Variants in FSTL5 observed in about 807,000 individuals in gnomAD.
FSTL5 encodes the protein follistatin like 5, also known as follistatin-related protein 5.
Under a neutral mutation model 89.1 loss-of-function variants are expected in FSTL5, and 62 were observed. That is an observed-to-expected ratio of 0.70 (90% CI 0.57 to 0.86). FSTL5 has a LOEUF of 0.86. Ranked by LOEUF, FSTL5 falls within the 40% of genes least tolerant of loss-of-function variation. FSTL5 has a pLI of 0.00. For synonymous variants in FSTL5, 383 were observed against 346.2 expected, an observed-to-expected ratio of 1.11 and a Z score of -1.18; for missense variants, 1,057 against 1,001.6, an observed-to-expected ratio of 1.06 and a Z score of -0.75.
At chr4:161,711,839 T>G (rs1323536498) in intron 6 of FSTL5, among the ~76,000 whole-genome samples, 1 of 152,142 alleles carries the variant, frequency 6.6e-6, no homozygotes, top group African/African-American at 2.4e-5. Flanking sequence ...AAGCAATTAG[T>G]ATATAGTGTA....
In FSTL5 at chr4:161,455,358, G is replaced by A. The variant is rs1007560495; in HGVS notation, c.1717-230C>T. Among the ~76,000 whole-genome samples, 4 of 151,854 alleles carry A rather than the reference G, an allele frequency of 2.6e-5. No individual in the cohort carries two copies. The East Asian group carries it at 7.7e-4, about 29-fold the overall frequency. On this transcript the variant is annotated intron_variant, in intron 14 of 15. Coordinates refer to ENST00000306100, the MANE Select transcript of FSTL5 (RefSeq NM_020116.5). ...AAAAAAATAGAAAAATATTTGCCTT[G>A]AACAATTTCAGCTTAAAATATAAAA...
intron 13 of FSTL5, among the ~76,000 whole-genome samples, chr4:161,480,468 T>G (rs779302006): frequency 2.6e-5 from 4 of 152,180 alleles, no homozygotes; most frequent in Non-Finnish European, 5.9e-5. Flanking sequence ...GGCTCAAACT[T>G]GAAGTATGAA....
In FSTL5 at chr4:161,656,368, T is replaced by C. The variant is rs182601174; in HGVS notation, c.854A>G (p.Asn285Ser). Reference sequence around the variant, plus strand: ...ATCTAAATTATTTAGAATAATATTGTTCCTTTTCCAGATAATGGGAGGTCT... The same window carrying C: ...ATCTAAATTATTTAGAATAATATTGCTCCTTTTCCAGATAATGGGAGGTCT... The part of the protein sequence containing the change: ...TLRPPIIWKR[N>S]NIILNNLDLE... Residue 285 changes from asparagine (N) to serine (S), a missense_variant, in exon 7 of 16, where the codon AAC becomes AGC. By Grantham distance (46) the Asn-to-Ser change is conservative. Coordinates refer to ENST00000306100, the MANE Select transcript of FSTL5 (RefSeq NM_020116.5). 52 of 1,601,498 alleles carry C rather than the reference T, an allele frequency of 3.2e-5. No individual in the cohort carries two copies. In the Admixed American group the frequency reaches 5.0e-4, roughly 16 times the overall value.
At chr4:161,633,182 T>A (rs1735557624) in intron 7 of FSTL5, among the ~76,000 whole-genome samples, 1 of 151,694 alleles carries the variant, frequency 6.6e-6, no homozygotes, top group South Asian at 2.1e-4. Flanking sequence ...GCAAAAATAT[T>A]TAGCATCCCT....
At chr4:161,855,670 C>T (rs1479765449) in intron 4 of FSTL5, among the ~76,000 whole-genome samples, 1 of 151,988 alleles carries the variant, frequency 6.6e-6, no homozygotes, top group Non-Finnish European at 1.5e-5. Flanking sequence ...TTTTCCTCTT[C>T]ATATGGTAAC....
chr4:161,658,647 T>A (rs181734567), intron 6 of FSTL5, among the ~76,000 whole-genome samples: 1 of 152,108 alleles, frequency 6.6e-6, no homozygotes, highest in Non-Finnish European at 1.5e-5. Context: ...AAGTTAAAAA[T>A]TATTCAATTA....
At chr4:161,401,740 G>T (rs1340512487) in intron 15 of FSTL5, among the ~76,000 whole-genome samples, 1 of 151,948 alleles carries the variant, frequency 6.6e-6, no homozygotes, top group Admixed American at 6.6e-5. Flanking sequence ...TGTTAGCCAG[G>T]ATGGTCTCCA....
At chr4:161,503,824 T>C (rs1238676248) in intron 11 of FSTL5, among the ~76,000 whole-genome samples, 1 of 152,112 alleles carries the variant, frequency 6.6e-6, no homozygotes, top group Non-Finnish European at 1.5e-5. Flanking sequence ...GATAAGCAAG[T>C]CTTGTTCTAG....
intron 4 of FSTL5, among the ~76,000 whole-genome samples, chr4:161,882,849 A>T (rs1404343079): frequency 6.6e-6 from 1 of 152,140 alleles, no homozygotes; most frequent in Non-Finnish European, 1.5e-5. Context: ...AGCAAGCAGC[A>T]TTAGCAGTAG....
chr4:161,436,969 A>G (rs1732579190), intron 15 of FSTL5, among the ~76,000 whole-genome samples: 1 of 152,218 alleles, frequency 6.6e-6, no homozygotes, highest in African/African-American at 2.4e-5. Context: ...ATTGGGAATA[A>G]CAATACAATG....
intron 3 of FSTL5, among the ~76,000 whole-genome samples, chr4:161,941,510 T>C (rs1233805896): frequency 6.6e-6 from 1 of 151,924 alleles, no homozygotes; most frequent in Non-Finnish European, 1.5e-5. Flanking sequence ...ATGATTATTA[T>C]ACAAAGTAGA....
At chr4:161,465,176 A>G (rs1292007623) in intron 13 of FSTL5, among the ~76,000 whole-genome samples, 1 of 152,090 alleles carries the variant, frequency 6.6e-6, no homozygotes, top group East Asian at 1.9e-4. Flanking sequence ...TTTTTATTAA[A>G]TAAAATAAGA....
Position 161,868,409 on chromosome 4 carries a change from C to T in FSTL5, c.409+51995G>A, listed in dbSNP as rs150310187. Among the ~76,000 whole-genome samples the T allele has an allele frequency of 2.1e-3, 319 of 150,586 alleles. 1 individual carries two copies. Among genetic ancestry groups the T allele is most frequent in the African/African-American group, 7.4e-3 (302 of 40,916 alleles). ...CTCTTGTAGATCTCATTTTCTGATA[C>T]TCTCTGGAACTAAGACAACTTTCAA... On this transcript the variant is annotated intron_variant, in intron 4 of 15. Coordinates refer to ENST00000306100, the MANE Select transcript of FSTL5 (RefSeq NM_020116.5).
At chr4:161,535,042 G>A (rs1047114291) in intron 10 of FSTL5, among the ~76,000 whole-genome samples, 3 of 151,986 alleles carry the variant, frequency 2.0e-5, no homozygotes, top group East Asian at 1.9e-4. Flanking sequence ...AAACTGTACC[G>A]CTACCTCTTA....
At chr4:161,860,901 C>T (rs530602284) in intron 4 of FSTL5, among the ~76,000 whole-genome samples, 1 of 151,816 alleles carries the variant, frequency 6.6e-6, no homozygotes, top group Non-Finnish European at 1.5e-5. Flanking sequence ...TCTCTTTTCA[C>T]CCCTCTCTCT....
intron 4 of FSTL5, among the ~76,000 whole-genome samples, chr4:161,896,597 T>C (rs904168840): frequency 6.6e-6 from 1 of 152,174 alleles, no homozygotes; most frequent in African/African-American, 2.4e-5. Flanking sequence ...TAAAATGCAG[T>C]ATACATCTAA....
intron 3 of FSTL5, among the ~76,000 whole-genome samples, chr4:161,978,430 T>C (rs1735725207): frequency 6.6e-6 from 1 of 152,148 alleles, no homozygotes; most frequent in South Asian, 2.1e-4. Flanking sequence ...ATTAAACTGA[T>C]TAATATGCTT....
At chr4:161,459,188 T>C in intron 14 of FSTL5, 24 bp downstream of exon 14, 1 of 1,250,218 alleles carries the variant, frequency 8.0e-7, no homozygotes, top group Non-Finnish European at 1.2e-6. Context: ...TGTTATTTTC[T>C]CTAATATACT....
At chr4:161,388,032 T>C (rs533373219) in intron 15 of FSTL5, 1 of 152,172 alleles carries the variant, frequency 6.6e-6, no homozygotes, top group South Asian at 2.1e-4. Flanking sequence ...ACATTTTGAG[T>C]GATAAAAAAG....
Sources: gnomAD v4.1 joint callset for allele counts (sites outside exome capture counted in the v4.1 genomes callset) on GRCh38, gnomAD v4.1.1 for gene constraint, MANE v1.5 for transcripts, NCBI Gene and HGNC (gene_info 2026-07-23, HGNC 2026-07-21) for gene names.